Variants in ENPP6 observed in about 807,000 individuals in gnomAD.
The protein encoded by ENPP6 is glycerophosphocholine cholinephosphodiesterase ENPP6.
ENPP6 carries 32 observed loss-of-function variants against 42.0 expected under a neutral mutation model. The observed-to-expected ratio is 0.76, with a 90% CI of 0.58 to 1.02. ENPP6 has a LOEUF of 1.02. Among genes scored for constraint, ENPP6 ranks in the 50% least tolerant of loss-of-function variants. The pLI is 0.00. For missense variants in ENPP6, 552 were observed against 566.8 expected, an observed-to-expected ratio of 0.97 and a Z score of 0.27; for synonymous variants, 213 against 216.0, an observed-to-expected ratio of 0.99 and a Z score of 0.12.
chr4:184,100,450 C>T (rs961727472), intron 6 of ENPP6, among the ~76,000 whole-genome samples: 1 of 152,186 alleles, frequency 6.6e-6, no homozygotes, highest in African/African-American at 2.4e-5. Context: ...CCAGCCACTG[C>T]GGGGCCCAGG....
chr4:184,161,655 T>G (rs1737258860), intron 1 of ENPP6, among the ~76,000 whole-genome samples: 1 of 136,900 alleles, frequency 7.3e-6, no homozygotes, highest in Non-Finnish European at 1.6e-5. Flanking sequence ...AATGAGTGGA[T>G]AAAGAAAATG....
chr4:184,158,211 A>G (rs1005094526), intron 1 of ENPP6, among the ~76,000 whole-genome samples: 4 of 152,236 alleles, frequency 2.6e-5, no homozygotes, highest in African/African-American at 9.6e-5. Flanking sequence ...CATAGGTTCA[A>G]GTATAAACTC....
intron 1 of ENPP6, among the ~76,000 whole-genome samples, chr4:184,190,151 A>T (rs1171124350): frequency 6.6e-6 from 1 of 152,182 alleles, no homozygotes; most frequent in Non-Finnish European, 1.5e-5. Context: ...ACTCTCTGTT[A>T]TAAGTGGCTT....
At chr4:184,126,409 A>G (rs1472035425) in intron 2 of ENPP6, among the ~76,000 whole-genome samples, 1 of 152,206 alleles carries the variant, frequency 6.6e-6, no homozygotes, top group African/African-American at 2.4e-5. Flanking sequence ...CTGTTGTTAT[A>G]GTGCTATGGA....
At chr4:184,154,455 A>C (rs1392876350) in intron 1 of ENPP6, among the ~76,000 whole-genome samples, 1 of 152,180 alleles carries the variant, frequency 6.6e-6, no homozygotes, top group East Asian at 1.9e-4. Context: ...TAACACAAAC[A>C]TTGGCAAGTG....
chr4:184,175,039 T>C (rs1737537990), intron 1 of ENPP6, among the ~76,000 whole-genome samples: 2 of 152,234 alleles, frequency 1.3e-5, no homozygotes, highest in Non-Finnish European at 2.9e-5. Flanking sequence ...GGCTCAGCAC[T>C]GACAGGAAGA....
intron 6 of ENPP6, among the ~76,000 whole-genome samples, chr4:184,098,324 A>G (rs189990165): frequency 8.5e-5 from 13 of 152,304 alleles, no homozygotes; most frequent in Admixed American, 3.9e-4. Flanking sequence ...AACTCCAGGT[A>G]TTGTTGTCAG....
At chr4:184,114,775 A>G (rs1307986104) in intron 5 of ENPP6, among the ~76,000 whole-genome samples, 4 of 152,332 alleles carry the variant, frequency 2.6e-5, no homozygotes, top group Middle Eastern at 3.4e-3. Flanking sequence ...TGCCAAAAAA[A>G]AAAAAGAAAA....
Position 184,184,279 on chromosome 4 carries a change from C to T in ENPP6, c.242-30546G>A, listed in dbSNP as rs1161430360. ...TTAGAATAAAAGACAAGCTTTATGA[C>T]GTGTTTAAAGAAATAAAAGATAGAA... On this transcript the variant is annotated intron_variant, in intron 1 of 7. Coordinates refer to ENST00000296741, the MANE Select transcript of ENPP6 (RefSeq NM_153343.4). This position sits in a 1 kb window ranked among gnomAD's most constrained non-coding sequence, Gnocchi z 4.7. Among the ~76,000 whole-genome samples, 4 of 151,944 alleles carry T rather than the reference C, an allele frequency of 2.6e-5. No individual in the cohort carries two copies. Among genetic ancestry groups the T allele is most frequent in the Non-Finnish European group, 4.4e-5 (3 of 68,006 alleles).
intron 2 of ENPP6, among the ~76,000 whole-genome samples, chr4:184,125,033 G>A (rs998500444): frequency 6.6e-6 from 1 of 152,182 alleles, no homozygotes; most frequent in Non-Finnish European, 1.5e-5. Flanking sequence ...TACTATGACC[G>A]AGTCACTATG....
intron 1 of ENPP6, among the ~76,000 whole-genome samples, chr4:184,175,816 T>C (rs1004216982): frequency 2.0e-5 from 3 of 152,198 alleles, no homozygotes; most frequent in African/African-American, 7.2e-5. Flanking sequence ...AGATCTGCTA[T>C]GAACCATCAC....
chr4:184,143,397 G>C (rs1736854661), intron 2 of ENPP6, among the ~76,000 whole-genome samples: 1 of 152,212 alleles, frequency 6.6e-6, no homozygotes, highest in Non-Finnish European at 1.5e-5. Flanking sequence ...CAGTGTCTGT[G>C]GGCCCTGCAA....
At position 184,128,269 on chromosome 4, in the gene ENPP6, C is replaced by T. The variant is rs569987488; in HGVS notation, c.422-3997G>A. On this transcript the variant is annotated intron_variant, in intron 2 of 7. Transcript: ENST00000296741. ...GATCTCGGGTCACTGCAACTTCCAC[C>T]TCCCGGGTTCAAGCAATTCTCCTAC... Among the ~76,000 whole-genome samples, 3 of 152,290 alleles carry T rather than the reference C, an allele frequency of 2.0e-5. No homozygotes were observed. The East Asian group carries it at 5.8e-4, about 29-fold the overall frequency.
intron 2 of ENPP6, among the ~76,000 whole-genome samples, chr4:184,132,832 CACATATATAT>C (rs1250619642): frequency 0.3 from 3,277 of 10,830 alleles, 134 homozygotes; most frequent in African/African-American, 0.38. Flanking sequence ...CACACACACA[CACATATATAT>C]ATATATATAT....
intron 1 of ENPP6, among the ~76,000 whole-genome samples, chr4:184,159,857 G>T (rs896743180): frequency 6.6e-6 from 1 of 152,088 alleles, no homozygotes; most frequent in Non-Finnish European, 1.5e-5. Flanking sequence ...TTATGCCTTT[G>T]CATTCTCATA....
intron 1 of ENPP6, among the ~76,000 whole-genome samples, chr4:184,204,346 C>T (rs1352462813): frequency 6.6e-6 from 1 of 152,164 alleles, no homozygotes; most frequent in East Asian, 1.9e-4. Flanking sequence ...GCATACATAG[C>T]CTGGCCACCT....
At chr4:184,172,028 G>A (rs1737476557) in intron 1 of ENPP6, among the ~76,000 whole-genome samples, 1 of 152,162 alleles carries the variant, frequency 6.6e-6, no homozygotes, top group South Asian at 2.1e-4. Flanking sequence ...AGGGTTTGGA[G>A]GGGGTGGTGA....
intron 1 of ENPP6, among the ~76,000 whole-genome samples, chr4:184,193,968 G>T (rs1732747737): frequency 6.6e-6 from 1 of 152,046 alleles, no homozygotes; most frequent in Non-Finnish European, 1.5e-5. Context: ...GATTGCTTTG[G>T]CCTTGCTGAG....
chr4:184,142,620 G>A (rs1366229762), intron 2 of ENPP6, among the ~76,000 whole-genome samples: 2 of 152,208 alleles, frequency 1.3e-5, no homozygotes, highest in Non-Finnish European at 2.9e-5. Flanking sequence ...AGCAAGCTGA[G>A]GAAGACAAAT....
Sources: gnomAD v4.1 joint callset for allele counts (sites outside exome capture counted in the v4.1 genomes callset) on GRCh38, gnomAD v4.1.1 for gene constraint, Gnocchi (gnomAD v3.1) non-coding constraint, MANE v1.5 for transcripts, NCBI Gene and HGNC (gene_info 2026-07-23, HGNC 2026-07-21) for gene names.